Variants in ESRRG observed in about 807,000 individuals in gnomAD.
The protein encoded by ESRRG is estrogen related receptor gamma, also known as estrogen-related receptor gamma.
Under a neutral mutation model 44.0 loss-of-function variants are expected in ESRRG, and 13 were observed. The ratio of observed to expected loss-of-function variants is 0.30; its 90% confidence interval spans 0.19 to 0.47. The LOEUF (loss-of-function observed/expected upper bound fraction) is 0.47, where lower values mean the gene tolerates loss of function less well. ESRRG is among the 20% of genes least tolerant of loss of function. The pLI is 1.00. For missense variants in ESRRG, 395 were observed against 580.6 expected (o/e 0.68, Z 3.29); for synonymous variants, 215 against 214.6 (o/e 1.00, Z -0.02).
intron 2 of ESRRG, chr1:216,805,412 A>T (rs2094757407): frequency 6.6e-6 from 1 of 152,198 alleles, no homozygotes; most frequent in Non-Finnish European, 1.5e-5. Context: ...CTGGGTTTTT[A>T]AAGTGCTGGA....
chr1:217,094,971 C>G lies in ESRRG; in HGVS notation c.-230+42696G>C, dbSNP rs2092401307. Among the ~76,000 whole-genome samples the G allele has an allele frequency of 2.6e-5, 4 of 152,234 alleles. No homozygotes were observed. The South Asian group carries it at 8.3e-4, about 32-fold the overall frequency. On this transcript the variant is annotated intron_variant, in intron 1 of 8. Transcript: ENST00000366940. Reference sequence around the variant, plus strand: ...TCCTTAACCAGGTTTCATTATAGCTCTAGGGATCCATGGATGAATTAAGAA... The same window carrying G: ...TCCTTAACCAGGTTTCATTATAGCTGTAGGGATCCATGGATGAATTAAGAA...
At chr1:216,899,441 C>G (rs536020802) in intron 2 of ESRRG, among the ~76,000 whole-genome samples, 4 of 152,300 alleles carry the variant, frequency 2.6e-5, no homozygotes, top group East Asian at 1.9e-4. Context: ...GAAGCAGTCT[C>G]AAAGGCATTG....
At chr1:216,879,837 C>T (rs920389557) in intron 2 of ESRRG, among the ~76,000 whole-genome samples, 2 of 152,096 alleles carry the variant, frequency 1.3e-5, no homozygotes, top group South Asian at 4.2e-4. Context: ...TGTAGCTACA[C>T]CATATTTAAA....
At chr1:216,547,183 T>C (rs2054775777) in intron 5 of ESRRG, among the ~76,000 whole-genome samples, 1 of 152,004 alleles carries the variant, frequency 6.6e-6, no homozygotes, top group Non-Finnish European at 1.5e-5. Context: ...ATAATATATG[T>C]AAAATAATCA....
At chr1:216,513,308 G>A (rs2043260094) in intron 6 of ESRRG, among the ~76,000 whole-genome samples, 1 of 152,158 alleles carries the variant, frequency 6.6e-6, no homozygotes, top group African/African-American at 2.4e-5. Context: ...ACAGGTGGCA[G>A]AAATATCAAG....
chr1:216,802,048 T>C (rs11572597), intron 2 of ESRRG, among the ~76,000 whole-genome samples: 5,795 of 152,258 alleles, frequency 0.038, 382 homozygotes, highest in African/African-American at 0.13. Flanking sequence ...CAACAAACCA[T>C]GAATACTGAC....
intron 2 of ESRRG, among the ~76,000 whole-genome samples, chr1:216,869,814 AT>A (rs1224954329): frequency 6.6e-6 from 1 of 151,870 alleles, no homozygotes; most frequent in Non-Finnish European, 1.5e-5. Context: ...AGCTATTATA[AT>A]TTTTTTAAAT....
chr1:217,048,871 CA>C (rs1409743100), intron 1 of ESRRG, among the ~76,000 whole-genome samples: 4 of 152,150 alleles, frequency 2.6e-5, no homozygotes, highest in Non-Finnish European at 5.9e-5. Flanking sequence ...AACTTGTAGC[CA>C]CAGTGGGTTT....
intron 2 of ESRRG, among the ~76,000 whole-genome samples, chr1:216,671,297 A>G (rs909572568): frequency 6.6e-6 from 1 of 152,196 alleles, no homozygotes; most frequent in East Asian, 1.9e-4. Context: ...AACTAAACAA[A>G]TTTCCAGACA....
intron 2 of ESRRG, among the ~76,000 whole-genome samples, chr1:216,939,364 A>AAAAAAAAAAAAAAAAAAAAAAAC (rs1553720877): frequency 2.2e-5 from 3 of 133,786 alleles, no homozygotes; most frequent in African/African-American, 3.1e-5. Flanking sequence ...AAAAAAAAAA[A>AAAAAAAAAAAAAAAAAAAAAAAC]AAAAAACACT....
intron 2 of ESRRG, among the ~76,000 whole-genome samples, chr1:216,753,231 C>T (rs1336811014): frequency 1.4e-5 from 2 of 147,344 alleles, no homozygotes; most frequent in East Asian, 4.0e-4. Context: ...CCTACGCATA[C>T]ATAAACATGT....
chr1:217,133,633 C>CTT (rs763709770), intron 1 of ESRRG, among the ~76,000 whole-genome samples: 43,576 of 90,698 alleles, frequency 0.48, 9,896 homozygotes, highest in Non-Finnish European at 0.56. Context: ...TTCTTTCTTT[C>CTT]TCTCTCTCTC....
chr1:216,998,095 C>T (rs2076593661), intron 1 of ESRRG, among the ~76,000 whole-genome samples: 1 of 152,116 alleles, frequency 6.6e-6, no homozygotes, highest in Non-Finnish European at 1.5e-5. Context: ...GACATCATAG[C>T]TCTGGCTAAG....
chr1:216,977,748 CAT>C (rs1401324685), intron 1 of ESRRG, among the ~76,000 whole-genome samples: 1 of 152,178 alleles, frequency 6.6e-6, no homozygotes, highest in African/African-American at 2.4e-5. Context: ...CACCAAAACT[CAT>C]ATTGACATTT....
At chr1:216,551,115 C>A (rs757155413) in intron 5 of ESRRG, among the ~76,000 whole-genome samples, 4 of 152,080 alleles carry the variant, frequency 2.6e-5, no homozygotes, top group Non-Finnish European at 5.9e-5. Flanking sequence ...GGCTGCAGAA[C>A]AACAGTCTTG....
chr1:216,875,370 A>G (rs909337723), intron 2 of ESRRG, among the ~76,000 whole-genome samples: 1 of 152,120 alleles, frequency 6.6e-6, no homozygotes, highest in Non-Finnish European at 1.5e-5. Context: ...GTCCCCTCAG[A>G]CCCTCTAAAT....
At chr1:216,667,543 AG>A (rs2074197670) in intron 2 of ESRRG, among the ~76,000 whole-genome samples, 1 of 151,848 alleles carries the variant, frequency 6.6e-6, no homozygotes, top group South Asian at 2.1e-4. Flanking sequence ...AAAATTAGCC[AG>A]GCATGGTGGT....
At chr1:217,083,624 C>T (rs2091906796) in intron 1 of ESRRG, among the ~76,000 whole-genome samples, 1 of 152,184 alleles carries the variant, frequency 6.6e-6, no homozygotes, top group South Asian at 2.1e-4. Context: ...CTGACATCTG[C>T]TAGTATGCAC....
At chr1:217,099,555 T>A (rs777060095) in intron 1 of ESRRG, among the ~76,000 whole-genome samples, 3 of 152,216 alleles carry the variant, frequency 2.0e-5, no homozygotes, top group Non-Finnish European at 4.4e-5. Flanking sequence ...CAGCCCAGGA[T>A]GCTATTTTCT....
Sources: allele counts gnomAD v4.1 joint callset (sites outside exome capture counted in the v4.1 genomes callset), GRCh38; gene constraint gnomAD v4.1.1; transcripts MANE v1.5; gene names NCBI Gene and HGNC (gene_info 2026-07-23, HGNC 2026-07-21).